Variants in ZNF567 observed in about 807,000 individuals in gnomAD.
ZNF567 encodes zinc finger protein 567.
In ZNF567, 36 loss-of-function variants were observed where a neutral mutation model predicts 53.9. The observed-to-expected ratio is 0.67, with a 90% CI of 0.51 to 0.88. The LOEUF is 0.88. Among genes scored for constraint, ZNF567 ranks in the 40% least tolerant of loss-of-function variants. The pLI is 0.00. For missense variants in ZNF567, 619 were observed against 764.7 expected, an observed-to-expected ratio of 0.81 and a Z score of 2.25; for synonymous variants, 224 against 260.4, an observed-to-expected ratio of 0.86 and a Z score of 1.35.
At chr19:36,667,610 C>CAAA in the ZNF567 span, among the ~76,000 whole-genome samples, 1 of 149,308 alleles carries the variant, frequency 6.7e-6, no homozygotes, top group African/African-American at 2.5e-5. Flanking sequence ...ACAACAACAA[C>CAAA]AACAAAAAAC....
At chr19:36,675,257 T>C in the ZNF567 span, among the ~76,000 whole-genome samples, 1 of 152,146 alleles carries the variant, frequency 6.6e-6, no homozygotes, top group African/African-American at 2.4e-5. Flanking sequence ...AGGTATACCT[T>C]GGCTGGGTGT....
In ZNF567 at chr19:36,721,181, T is replaced by A. The variant is rs906823988; in HGVS notation, c.*513T>A. 16 of 152,354 alleles carry A rather than the reference T, an allele frequency of 1.1e-4. No individual in the cohort carries two copies. Among genetic ancestry groups the A allele is most frequent in the African/African-American group, 3.6e-4 (15 of 41,594 alleles). 9.4% of individuals were successfully genotyped at this position (152,354 alleles called of 1,614,324 possible). A position where few individuals can be genotyped will look rare whatever the true frequency, so the allele number is the denominator to read the frequency against. ...GTCTTGCTTATTTCACTCAATTTTTTAAGATCTGTACATTATTGCATGTGG... is the reference window on the plus strand; with the variant it reads ...GTCTTGCTTATTTCACTCAATTTTTAAAGATCTGTACATTATTGCATGTGG... On this transcript the variant is annotated 3_prime_UTR_variant, in exon 6 of 6. Coordinates refer to ENST00000682579, the MANE Select transcript of ZNF567 (RefSeq NM_001322917.1).
At chr19:36,714,414 G>A (rs958091341) in intron 5 of ZNF567, 3 of 396,894 alleles carry the variant, frequency 7.6e-6, no homozygotes, top group Non-Finnish European at 1.3e-5. Flanking sequence ...TGCCCACCTC[G>A]GCCTCACAAA....
intron 3 of ZNF567, among the ~76,000 whole-genome samples, chr19:36,704,478 T>C (rs2039390703): frequency 6.6e-6 from 1 of 152,192 alleles, no homozygotes. Flanking sequence ...TTTCACATTA[T>C]ATGGCTTTTT....
At chr19:36,688,365 AGTATGCATT>A (rs1227992990) in intron 1 of ZNF567, among the ~76,000 whole-genome samples, 4 of 152,168 alleles carry the variant, frequency 2.6e-5, no homozygotes, top group African/African-American at 9.7e-5. Flanking sequence ...TGTTGACTAA[AGTATGCATT>A]GTTTAGATTG....
Position 36,720,608 on chromosome 19 carries a change from TA to T in ZNF567, c.1886del (p.Lys629ArgfsTer21). 6.3e-7 allele frequency: 1 copy of T among 1,594,890 alleles called. No individual in the cohort carries two copies. The highest frequency in any genetic ancestry group is 1.1e-5 in the South Asian group (1 of 87,264). On this transcript the variant is annotated frameshift_variant, in exon 6 of 6. Transcript: ENST00000682579. LOFTEE classifies it high-confidence loss of function. Reference protein sequence around the residue: ...CNECGKSFSYKRNLIVHQRTH... With the variant: ...CNECGKSFSYXRNLIVHQRTH... Reference sequence around the variant, plus strand: ...ATGAGTGTGGTAAGTCTTTCAGTTATAAGAGAAACCTCATTGTCCATCAAAG... The same window carrying T: ...ATGAGTGTGGTAAGTCTTTCAGTTATAGAGAAACCTCATTGTCCATCAAAG...
At chr19:36,667,081 G>A in the ZNF567 span, among the ~76,000 whole-genome samples, 1 of 152,238 alleles carries the variant, frequency 6.6e-6, no homozygotes, top group Non-Finnish European at 1.5e-5. Context: ...TGTGGCTGAA[G>A]ATAATTTTCG....
At chr19:36,668,476 G>T in the ZNF567 span, 1 of 152,394 alleles carries the variant, frequency 6.6e-6, no homozygotes, top group Non-Finnish European at 1.5e-5. Context: ...GTCCACCCAT[G>T]ATTAGAGGAC....
At chr19:36,724,511 C>T (rs888904549), downstream of ZNF567, among the ~76,000 whole-genome samples, 3 of 151,400 alleles carry the variant, frequency 2.0e-5, no homozygotes, top group Non-Finnish European at 4.4e-5. Context: ...GGCGAAACCC[C>T]ATCTCTACTA....
chr19:36,710,561 G>T (rs1260597538), intron 3 of ZNF567, among the ~76,000 whole-genome samples: 1 of 152,104 alleles, frequency 6.6e-6, no homozygotes, highest in East Asian at 1.9e-4. Context: ...TTCCTGCTCA[G>T]TGTAAAGCAG....
At chr19:36,676,176 C>T in the ZNF567 span, among the ~76,000 whole-genome samples, 2 of 142,658 alleles carry the variant, frequency 1.4e-5, no homozygotes, top group East Asian at 2.3e-4. Flanking sequence ...AGCGATTATC[C>T]TGCCTCAGCC....
chr19:36,694,726 T>C, intron 2 of ZNF567, 76 bp from the exon 3 acceptor site: 1 of 720,368 alleles, frequency 1.4e-6, no homozygotes, highest in Non-Finnish European at 2.2e-6. Flanking sequence ...ATGGAGGCAA[T>C]TTTAATAGAA....
intron 1 of ZNF567, 53 bp downstream of exon 1, chr19:36,687,687 G>C (rs2038321383): frequency 6.6e-6 from 1 of 152,644 alleles, no homozygotes; most frequent in South Asian, 2.1e-4. Flanking sequence ...GGTGTGACCC[G>C]TAAGGAAGGC....
intron 3 of ZNF567, among the ~76,000 whole-genome samples, chr19:36,695,832 T>C (rs569759847): frequency 1.3e-5 from 2 of 152,298 alleles, no homozygotes; most frequent in East Asian, 1.9e-4. Flanking sequence ...CTTGTGTAGA[T>C]TAAAAAAATA....
chr19:36,683,703 C>T (rs1022718212), upstream of ZNF567, among the ~76,000 whole-genome samples: 11 of 151,978 alleles, frequency 7.2e-5, no homozygotes, highest in Admixed American at 2.6e-4. Flanking sequence ...TGGTGACATG[C>T]GCCTTGTAGT....
chr19:36,724,843 G>A (rs1419619375), downstream of ZNF567, among the ~76,000 whole-genome samples: 2 of 150,466 alleles, frequency 1.3e-5, no homozygotes, highest in East Asian at 1.9e-4. Context: ...GTAAGACTCC[G>A]TCTCAAAAAA....
At chr19:36,712,278 C>T (rs1314973309) in intron 3 of ZNF567, 108 bp from the exon 4 acceptor site, 2 of 1,172,958 alleles carry the variant, frequency 1.7e-6, no homozygotes, top group Non-Finnish European at 2.4e-6. Flanking sequence ...TAACTCATGA[C>T]CTCAAGTGAT....
At chr19:36,695,129 TC>T (rs1424830925) in intron 3 of ZNF567, among the ~76,000 whole-genome samples, 1 of 151,386 alleles carries the variant, frequency 6.6e-6, no homozygotes, top group Non-Finnish European at 1.5e-5. Flanking sequence ...AGCACTTCGC[TC>T]CCAGCACTTT....
chr19:36,695,153 C>T (rs2038815222), intron 3 of ZNF567, among the ~76,000 whole-genome samples: 1 of 151,260 alleles, frequency 6.6e-6, no homozygotes, highest in South Asian at 2.1e-4. Context: ...GAGGCTGAGG[C>T]AGGAGAATTG....
Sources: allele counts gnomAD v4.1 joint callset (sites outside exome capture counted in the v4.1 genomes callset), GRCh38; gene constraint gnomAD v4.1.1; transcripts MANE v1.5; gene names NCBI Gene and HGNC (gene_info 2026-07-23, HGNC 2026-07-21).